Variants in NFKBIA observed in about 807,000 individuals in gnomAD.
The protein encoded by NFKBIA is NF-kappa-B inhibitor alpha.
A neutral mutation model predicts 36.3 loss-of-function variants in NFKBIA; 10 were observed. That is an observed-to-expected ratio of 0.28 (90% CI 0.17 to 0.47). The LOEUF (loss-of-function observed/expected upper bound fraction) is 0.47, where lower values mean the gene tolerates loss of function less well. Ranked by LOEUF, NFKBIA falls within the 20% of genes least tolerant of loss-of-function variation. The pLI, the probability that NFKBIA is intolerant of heterozygous loss-of-function variation, is 0.99. For missense variants in NFKBIA, 355 were observed against 399.3 expected (o/e 0.89, Z 0.94); for synonymous variants, 205 against 164.4 (o/e 1.25, Z -1.89).
At chr14:35,403,483 G>C (rs1566590523) in intron 2 of NFKBIA, 123 bp from the exon 3 acceptor site, 1 of 1,094,750 alleles carries the variant, frequency 9.1e-7, no homozygotes, top group African/African-American at 1.6e-5. Flanking sequence ...GGGAGGGCTG[G>C]CAAATAGCAG....
rs540282095 is a variant in NFKBIA, at chr14:35,404,685, C to G, written c.-41G>C. ...CGGGCGCTGCTGCGGGTGCGCTGGGCCGCGGGCTGCGCGCTGCTTCCTCGC... is the reference window on the plus strand; with the variant it reads ...CGGGCGCTGCTGCGGGTGCGCTGGGGCGCGGGCTGCGCGCTGCTTCCTCGC... On this transcript the variant is annotated 5_prime_UTR_variant, in exon 1 of 6. Transcript: ENST00000216797. 1.5e-6 allele frequency: 2 copies of G among 1,328,012 alleles called. No individual in the cohort carries two copies. The highest frequency in any genetic ancestry group is 1.9e-6 in the Non-Finnish European group (2 of 1,030,060). The allele number at this position is 1,328,012 out of a possible 1,614,324, so 82.3% of individuals were successfully genotyped here.
intron 1 of NFKBIA, 111 bp downstream of exon 1, chr14:35,404,307 G>C (rs1348896477): frequency 1.3e-6 from 1 of 744,442 alleles, no homozygotes; most frequent in Admixed American, 4.6e-5. Flanking sequence ...GCGCCCGCCC[G>C]GCTGCATCGC....
intron 3 of NFKBIA, 130 bp from the exon 4 acceptor site, chr14:35,402,989 T>G: frequency 8.1e-7 from 1 of 1,241,520 alleles, no homozygotes. Flanking sequence ...TGAAAGAACT[T>G]TATAAAGGCA....
intron 2 of NFKBIA, 146 bp from the exon 3 acceptor site, chr14:35,403,506 G>A (rs2052751065): frequency 1.1e-6 from 1 of 948,782 alleles, no homozygotes; most frequent in African/African-American, 1.6e-5. Context: ...GCTCCAGGTG[G>A]GTCATAAAGA....
rs1333968337 is a variant in NFKBIA, at chr14:35,402,616, T to C, written c.684A>G (p.Gln228=). The change falls in exon 5 of 6, where the codon CAA becomes CAG. Residue 228 remains glutamine (Q), a synonymous_variant. Coordinates refer to ENST00000216797, the MANE Select transcript of NFKBIA (RefSeq NM_020529.3). Reference sequence around the variant, plus strand: ...ACAGGAGTGACACCAGGTCAGGATTTTGCAGGTCCACTGCGAGGTGAAGGG... The same window carrying C: ...ACAGGAGTGACACCAGGTCAGGATTCTGCAGGTCCACTGCGAGGTGAAGGG... ...RTALHLAVDL[Q]NPDLVSLLLK... The C allele has an allele frequency of 6.2e-7, 1 of 1,614,228 alleles. No individual in the cohort carries two copies. The highest frequency in any genetic ancestry group is 1.7e-5 in the Admixed American group (1 of 60,028).
At chr14:35,403,070 T>TC in intron 3 of NFKBIA, 80 bp downstream of exon 3, 2 of 1,497,358 alleles carry the variant, frequency 1.3e-6, no homozygotes, top group Non-Finnish European at 1.8e-6. Flanking sequence ...TTGCCTGGAC[T>TC]CCTTAAGTTG....
chr14:35,403,021 A>G (rs2052745076), intron 3 of NFKBIA, 129 bp downstream of exon 3: 5 of 1,288,156 alleles, frequency 3.9e-6, no homozygotes, highest in East Asian at 2.4e-5. Context: ...CTTTGCACAC[A>G]TATTTTCTCA....
In NFKBIA at chr14:35,401,655, A is replaced by C; in HGVS notation, c.*358T>G. 1 of 390,192 alleles carries C rather than the reference A, an allele frequency of 2.6e-6. No individual in the cohort carries two copies. Among genetic ancestry groups the C allele is most frequent in the South Asian group, 3.2e-5 (1 of 30,920 alleles). The allele number at this position is 390,192 out of a possible 1,614,324, so 24.2% of individuals were successfully genotyped here. The stretch of plus-strand genomic sequence containing the variant: ...CACCCCACATCACTGAACGCTTAAC[A>C]CTCCTGGCTGTTACATGTCACAGGA... On this transcript the variant is annotated 3_prime_UTR_variant, in exon 6 of 6. Coordinates refer to ENST00000216797, the MANE Select transcript of NFKBIA (RefSeq NM_020529.3).
chr14:35,403,399 A>G (rs774865414), intron 2 of NFKBIA, 39 bp from the exon 3 acceptor site: 9 of 1,604,850 alleles, frequency 5.6e-6, no homozygotes, highest in Non-Finnish European at 7.7e-6. Flanking sequence ...TAAGCCATGG[A>G]CCAAACCCAC....
Position 35,403,147 on chromosome 14 carries a change from T to C in NFKBIA, c.547+3A>G. Reference sequence around the variant, plus strand: ...GTGGGGCAGGGCAGGGAGGCAGACATACCATTGTAGTTGGTAGCCTTCAGG... The same window carrying C: ...GTGGGGCAGGGCAGGGAGGCAGACACACCATTGTAGTTGGTAGCCTTCAGG... On this transcript the variant is annotated splice_donor_region_variant and intron_variant, in intron 3 of 5. Coordinates refer to ENST00000216797, the MANE Select transcript of NFKBIA (RefSeq NM_020529.3). The C allele has an allele frequency of 6.2e-7, 1 of 1,609,906 alleles. No homozygotes were observed. Among genetic ancestry groups the C allele is most frequent in the Admixed American group, 1.7e-5 (1 of 59,980 alleles).
Position 35,403,781 on chromosome 14 carries a change from A to C in NFKBIA, c.245T>G (p.Ile82Ser), listed in dbSNP as rs1351502650. ...GGTCAGTGCCTTTTCTTCATGGATG[A>C]TGGCCAAGTGCAGGAACCTGTGGGG... ...EDGDSFLHLA[I>S]IHEEKALTME... is the part of the protein sequence containing the mutation. The change falls in exon 2 of 6, where the codon ATC (isoleucine) becomes AGC (serine). Residue 82 changes from isoleucine to serine, a missense_variant. By Grantham distance (142) the Ile-to-Ser change is moderately radical. Transcript: ENST00000216797. 1 of 1,613,680 alleles carries C rather than the reference A, an allele frequency of 6.2e-7. No individual in the cohort carries two copies. The highest frequency in any genetic ancestry group is 1.7e-5 in the Admixed American group (1 of 59,994).
rs1222307946 is a variant in NFKBIA at position 35,404,568 on chromosome 14, A to T, written c.77T>A (p.Leu26Gln). 3 of 1,593,116 alleles carry T rather than the reference A, an allele frequency of 1.9e-6. No individual in the cohort carries two copies. The highest frequency in any genetic ancestry group is 2.6e-6 in the Non-Finnish European group (3 of 1,171,514). Residue 26 changes from leucine to glutamine, a missense_variant, in exon 1 of 6, where the codon CTG becomes CAG. Transcript: ENST00000216797. ...CAGGCCGCTGTCGTGGCGGTCGTCCAGTAGCCGCTCCTTCTTCAGCCCGTC... is the reference window on the plus strand; with the variant it reads ...CAGGCCGCTGTCGTGGCGGTCGTCCTGTAGCCGCTCCTTCTTCAGCCCGTC... ...PRDGLKKERL[L>Q]DDRHDSGLDS...
intron 2 of NFKBIA, 164 bp from the exon 3 acceptor site, chr14:35,403,524 A>C (rs1024191223): frequency 2.2e-6 from 2 of 889,136 alleles, no homozygotes; most frequent in African/African-American, 3.3e-5. Flanking sequence ...AGACCTCACC[A>C]AATCAGTGGA....
chr14:35,403,149 C>T lies in NFKBIA; in HGVS notation c.547+1G>A. 6.2e-7 allele frequency: 1 copy of T among 1,610,832 alleles called. No homozygotes were observed. On this transcript the variant is annotated splice_donor_variant, in intron 3 of 5. Coordinates refer to ENST00000216797, the MANE Select transcript of NFKBIA (RefSeq NM_020529.3). LOFTEE classifies it high-confidence loss of function. ...GGGGCAGGGCAGGGAGGCAGACATA[C>T]CATTGTAGTTGGTAGCCTTCAGGAT... is the stretch of plus-strand genomic sequence containing the variant.
In NFKBIA at chr14:35,401,925, ATTTTTTCTTC is replaced by A. The variant is rs530975586; in HGVS notation, c.*78_*87del. ...GTGTGGATATAAGTACACCCTTTAA[ATTTTTTCTTC>A]TTTTTTCTTTTTTTAGAAAAATAAA... On this transcript the variant is annotated 3_prime_UTR_variant, in exon 6 of 6. Coordinates refer to ENST00000216797, the MANE Select transcript of NFKBIA (RefSeq NM_020529.3). 3.5e-5 allele frequency: 52 copies of A among 1,505,748 alleles called. No homozygotes were observed. The East Asian group carries it at 7.0e-4, about 20-fold the overall frequency. 93.3% of individuals were successfully genotyped at this position (1,505,748 alleles called of 1,614,324 possible).
At position 35,404,392 on chromosome 14, in the gene NFKBIA, C is replaced by T; in HGVS notation, c.227+26G>A. ...CGCGCGTCCCGCCCTCCCGACGACC[C>T]CCAGCCCCGGGCCTCCGCCACTTAC... On this transcript the variant is annotated intron_variant, in intron 1 of 5. Coordinates refer to ENST00000216797, the MANE Select transcript of NFKBIA (RefSeq NM_020529.3). 3.3e-6 allele frequency: 5 copies of T among 1,526,548 alleles called. No homozygotes were observed. In the African/African-American group the frequency reaches 5.7e-5, roughly 17 times the overall value. The allele number at this position is 1,526,548 out of a possible 1,614,324, so 94.6% of individuals were successfully genotyped here.
In NFKBIA at chr14:35,403,760, A is replaced by G; in HGVS notation, c.266T>C (p.Leu89Pro). ...HLAIIHEEKA[L>P]TMEVIRQVKG... ...CACCTGGCGGATCACTTCCATGGTCAGTGCCTTTTCTTCATGGATGATGGC... is the reference window on the plus strand; with the variant it reads ...CACCTGGCGGATCACTTCCATGGTCGGTGCCTTTTCTTCATGGATGATGGC... The change falls in exon 2 of 6, where the codon CTG (leucine) becomes CCG (proline). Residue 89 changes from leucine (L) to proline (P), a missense_variant. Coordinates refer to ENST00000216797, the MANE Select transcript of NFKBIA (RefSeq NM_020529.3). The G allele has an allele frequency of 6.2e-7, 1 of 1,614,054 alleles. No individual in the cohort carries two copies. Among genetic ancestry groups the G allele is most frequent in the Non-Finnish European group, 8.5e-7 (1 of 1,179,994 alleles).
In NFKBIA at chr14:35,401,941, TC is replaced by T; in HGVS notation, c.*71del. On this transcript the variant is annotated 3_prime_UTR_variant, in exon 6 of 6. Coordinates refer to ENST00000216797, the MANE Select transcript of NFKBIA (RefSeq NM_020529.3). ...ACCCTTTAAATTTTTTCTTCTTTTT[TC>T]TTTTTTTAGAAAAATAAAACTTTTT... 6.4e-7 allele frequency: 1 copy of T among 1,574,374 alleles called. No individual in the cohort carries two copies. Among genetic ancestry groups the T allele is most frequent in the Admixed American group, 1.7e-5 (1 of 59,562 alleles).
Position 35,402,716 on chromosome 14 carries a change from C to T in NFKBIA, c.637-53G>A, listed in dbSNP as rs144168948. 9,143 of 1,614,144 alleles carry T rather than the reference C, an allele frequency of 5.7e-3. 69 individuals carry two copies. Among genetic ancestry groups the T allele is most frequent in the Non-Finnish European group, 5.7e-3 (6,717 of 1,180,016 alleles). On this transcript the variant is annotated intron_variant, in intron 4 of 5. Transcript: ENST00000216797. ...TATGGCTGCATTTGGAATTTCTGCT[C>T]ACAACATAAGCACGAGGAGCCTGAC...
Sources: gnomAD v4.1 joint callset for allele counts on GRCh38, gnomAD v4.1.1 for gene constraint, MANE v1.5 for transcripts, NCBI Gene and HGNC (gene_info 2026-07-23, HGNC 2026-07-21) for gene names.